Variants in SYNDIG1 observed in about 807,000 individuals in gnomAD.
SYNDIG1 encodes the protein synapse differentiation-inducing gene protein 1.
A neutral mutation model predicts 19.4 loss-of-function variants in SYNDIG1; 9 were observed. That is an observed-to-expected ratio of 0.46 (90% CI 0.28 to 0.81). The LOEUF (loss-of-function observed/expected upper bound fraction) is 0.81, where lower values mean the gene tolerates loss of function less well. SYNDIG1 is among the 30% of genes least tolerant of loss of function. The probability of loss-of-function intolerance (pLI) is 0.12; values close to 1 mark genes in which losing one functional copy is unlikely to be tolerated. For missense variants in SYNDIG1, 311 were observed against 343.3 expected, an observed-to-expected ratio of 0.91 and a Z score of 0.74; for synonymous variants, 141 against 145.9, an observed-to-expected ratio of 0.97 and a Z score of 0.24.
At chr20:24,636,433 A>G (rs1413479194) in intron 3 of SYNDIG1, among the ~76,000 whole-genome samples, 1 of 152,204 alleles carries the variant, frequency 6.6e-6, no homozygotes, top group Non-Finnish European at 1.5e-5. Context: ...TCCATGGCAA[A>G]GTACATGGGG....
chr20:24,548,086 C>T (rs1487618400), intron 2 of SYNDIG1, among the ~76,000 whole-genome samples: 2 of 152,242 alleles, frequency 1.3e-5, no homozygotes, highest in Admixed American at 6.5e-5. Context: ...TGCACTTGGC[C>T]ATCGAATCCT....
At chr20:24,663,157 G>T (rs1190930711) in intron 3 of SYNDIG1, among the ~76,000 whole-genome samples, 1 of 152,174 alleles carries the variant, frequency 6.6e-6, no homozygotes, top group Non-Finnish European at 1.5e-5. Flanking sequence ...AGAAACTCTG[G>T]CTTCTATGAC....
rs191677028 is a variant in SYNDIG1, at chr20:24,489,573, G to A, written c.-79+19820G>A. Among the ~76,000 whole-genome samples, 3 of 152,066 alleles carry A rather than the reference G, an allele frequency of 2.0e-5. No homozygotes were observed. The East Asian group carries it at 5.8e-4, about 29-fold the overall frequency. On this transcript the variant is annotated intron_variant, in intron 1 of 3. Transcript: ENST00000376862. The stretch of plus-strand genomic sequence containing the variant: ...CTCACAGGGACAGGCACAGACACAG[G>A]CACACACCACAGTCACATGACCACA...
At chr20:24,633,062 C>A (rs1343520774) in intron 3 of SYNDIG1, among the ~76,000 whole-genome samples, 1 of 151,852 alleles carries the variant, frequency 6.6e-6, no homozygotes, top group Non-Finnish European at 1.5e-5. Context: ...TAGACCTCCT[C>A]CCCCGAGGAA....
intron 1 of SYNDIG1, among the ~76,000 whole-genome samples, chr20:24,477,476 C>T (rs2055666989): frequency 6.6e-6 from 1 of 152,164 alleles, no homozygotes; most frequent in South Asian, 2.1e-4. Context: ...CTAGTCTGTT[C>T]TGCTACTTCA....
intron 2 of SYNDIG1, among the ~76,000 whole-genome samples, chr20:24,566,752 C>T (rs568626211): frequency 1.3e-5 from 2 of 152,314 alleles, no homozygotes; most frequent in East Asian, 3.9e-4. Context: ...GTCCAAAGCC[C>T]TCTCCCAAGT....
intron 2 of SYNDIG1, among the ~76,000 whole-genome samples, chr20:24,572,154 T>C (rs1400008025): frequency 1.3e-5 from 2 of 152,234 alleles, no homozygotes; most frequent in Non-Finnish European, 2.9e-5. Flanking sequence ...ATTAAAGCCT[T>C]CTTCCTTGGC....
chr20:24,535,473 G>C (rs2386956), intron 1 of SYNDIG1, among the ~76,000 whole-genome samples: 116,282 of 152,110 alleles, frequency 0.76, 44,900 homozygotes, highest in African/African-American at 0.88. Context: ...AATTACACAT[G>C]TCTCTAGGTG....
At chr20:24,627,076 G>C (rs1449944255) in intron 3 of SYNDIG1, among the ~76,000 whole-genome samples, 1 of 151,866 alleles carries the variant, frequency 6.6e-6, no homozygotes. Context: ...GAAAGAGAGG[G>C]AGAGGGAGAC....
At chr20:24,617,530 A>G (rs2058956731) in intron 3 of SYNDIG1, among the ~76,000 whole-genome samples, 1 of 152,200 alleles carries the variant, frequency 6.6e-6, no homozygotes, top group African/African-American at 2.4e-5. Flanking sequence ...GGTGCTCCTG[A>G]GAACTCGACT....
chr20:24,495,321 C>G (rs890941125), intron 1 of SYNDIG1: 6 of 152,324 alleles, frequency 3.9e-5, no homozygotes, highest in African/African-American at 9.6e-5. Flanking sequence ...AGGCCAGCCA[C>G]TTGGCGGCTT....
chr20:24,499,485 C>T (rs2056388912), intron 1 of SYNDIG1, among the ~76,000 whole-genome samples: 1 of 152,210 alleles, frequency 6.6e-6, no homozygotes, highest in South Asian at 2.1e-4. Context: ...CCCTACTCTG[C>T]TACCCAGGCA....
intron 1 of SYNDIG1, among the ~76,000 whole-genome samples, chr20:24,489,240 GCACA>G (rs1195268913): frequency 1.3e-5 from 2 of 152,036 alleles, no homozygotes; most frequent in Non-Finnish European, 2.9e-5. Context: ...GTAGATACAT[GCACA>G]CACACAGACA....
intron 1 of SYNDIG1, among the ~76,000 whole-genome samples, chr20:24,527,519 T>TCC (rs2057151381): frequency 6.0e-5 from 4 of 66,486 alleles, no homozygotes; most frequent in African/African-American, 2.9e-4. Context: ...TTTTCTTTTT[T>TCC]TTTCCTTTCT....
intron 3 of SYNDIG1, among the ~76,000 whole-genome samples, chr20:24,587,177 G>A (rs928942914): frequency 1.3e-5 from 2 of 152,200 alleles, no homozygotes; most frequent in Non-Finnish European, 2.9e-5. Flanking sequence ...TTTCGGGGGT[G>A]GGTGTAGGTG....
chr20:24,598,990 G>A (rs1301899808), intron 3 of SYNDIG1, among the ~76,000 whole-genome samples: 2 of 152,048 alleles, frequency 1.3e-5, no homozygotes, highest in Non-Finnish European at 2.9e-5. Context: ...TAGACAAGCA[G>A]GACTTAATTA....
At chr20:24,520,711 A>G (rs2146538263) in intron 1 of SYNDIG1, among the ~76,000 whole-genome samples, 1 of 151,824 alleles carries the variant, frequency 6.6e-6, no homozygotes, top group African/African-American at 2.4e-5. Context: ...AAAAAAAATT[A>G]CAGTAAGTTC....
intron 1 of SYNDIG1, among the ~76,000 whole-genome samples, chr20:24,499,887 G>A (rs182903750): frequency 2.0e-4 from 30 of 152,304 alleles, no homozygotes; most frequent in Admixed American, 1.8e-3. Flanking sequence ...AGCCAAGGGA[G>A]TGGGGTAATA....
intron 3 of SYNDIG1, among the ~76,000 whole-genome samples, chr20:24,663,688 C>A (rs2059623895): frequency 6.6e-6 from 1 of 152,198 alleles, no homozygotes; most frequent in African/African-American, 2.4e-5. Context: ...GGAAGCCCGG[C>A]ATGGGTGTTC....
Sources: gnomAD v4.1 joint callset for allele counts (sites outside exome capture counted in the v4.1 genomes callset) on GRCh38, gnomAD v4.1.1 for gene constraint, MANE v1.5 for transcripts, NCBI Gene and HGNC (gene_info 2026-07-23, HGNC 2026-07-21) for gene names.